Variants in ZMIZ1 observed in about 807,000 individuals in gnomAD.
ZMIZ1 encodes zinc finger MIZ domain-containing protein 1.
A neutral mutation model predicts 113.9 loss-of-function variants in ZMIZ1; 17 were observed. The ratio of observed to expected loss-of-function variants is 0.15; its 90% CI spans 0.10 to 0.22. ZMIZ1 has a LOEUF of 0.22. ZMIZ1 is among the 10% of genes least tolerant of loss of function. The probability of loss-of-function intolerance (pLI) is 1.00; values close to 1 mark genes in which losing one functional copy is unlikely to be tolerated. For missense variants in ZMIZ1, 1,059 were observed against 1,477.8 expected (o/e 0.72, Z 4.65); for synonymous variants, 607 against 603.1 (o/e 1.01, Z -0.09).
chr10:79,168,822 C>T (rs1368829150), intron 4 of ZMIZ1, among the ~76,000 whole-genome samples: 1 of 152,166 alleles, frequency 6.6e-6, no homozygotes, highest in East Asian at 1.9e-4. Context: ...CACAGGTGTC[C>T]GTCCACCCTG....
chr10:79,259,083 T>A (rs1017871770), intron 7 of ZMIZ1, among the ~76,000 whole-genome samples: 4 of 152,234 alleles, frequency 2.6e-5, no homozygotes, highest in Non-Finnish European at 2.9e-5. Flanking sequence ...TTTAATCAAA[T>A]GCCCAGTATC....
rs1042689128 is a variant in ZMIZ1 at position 79,139,410 on chromosome 10, G to A, written c.-226-272G>A. On this transcript the variant is annotated intron_variant, in intron 2 of 24. Transcript: ENST00000334512. ...TGTTCTGCTTTTCCTACTAAGAAGA[G>A]AAAGACAACACAAAGTCCCCAGTCC... Among the ~76,000 whole-genome samples the A allele has an allele frequency of 4.6e-5, 7 of 152,308 alleles. No individual in the cohort carries two copies. In the East Asian group the frequency reaches 1.3e-3, roughly 29 times the overall value.
chr10:79,083,332 C>T (rs952227380), intron 1 of ZMIZ1, among the ~76,000 whole-genome samples: 6 of 152,128 alleles, frequency 3.9e-5, no homozygotes, highest in Non-Finnish European at 7.3e-5. Flanking sequence ...GCAGTGGGAA[C>T]AGCATGTGCA....
At position 79,187,309 on chromosome 10, in the gene ZMIZ1, G is replaced by A. The variant is rs531527580; in HGVS notation, c.-49-14275G>A. ...CTCCCATGCCTGGCTCTAGCCCGGC[G>A]GACACTGCCAGTATAGCTGCGTGAT... On this transcript the variant is annotated intron_variant, in intron 4 of 24. Coordinates refer to ENST00000334512, the MANE Select transcript of ZMIZ1 (RefSeq NM_020338.4). Among the ~76,000 whole-genome samples, 16 of 152,292 alleles carry A rather than the reference G, an allele frequency of 1.1e-4. No individual in the cohort carries two copies. The East Asian group carries it at 2.5e-3, about 24-fold the overall frequency.
At chr10:79,165,811 A>G (rs901705570) in intron 4 of ZMIZ1, among the ~76,000 whole-genome samples, 1 of 152,120 alleles carries the variant, frequency 6.6e-6, no homozygotes, top group Admixed American at 6.5e-5. Flanking sequence ...TCTGGCCTGA[A>G]GTCTCTGGGT....
intron 4 of ZMIZ1, among the ~76,000 whole-genome samples, chr10:79,182,570 A>G (rs1049043723): frequency 1.3e-5 from 2 of 152,238 alleles, no homozygotes; most frequent in Non-Finnish European, 2.9e-5. Flanking sequence ...ATTAAATACC[A>G]GCAAGGTGAC....
At chr10:79,298,266 G>A in intron 14 of ZMIZ1, 140 bp from the exon 15 acceptor site, 3 of 966,482 alleles carry the variant, frequency 3.1e-6, no homozygotes, top group African/African-American at 1.7e-5. Flanking sequence ...CTGCGAGAGA[G>A]AAGAGTTTCC....
chr10:79,123,177 A>G (rs1008677531), intron 2 of ZMIZ1, among the ~76,000 whole-genome samples: 2 of 152,162 alleles, frequency 1.3e-5, no homozygotes, highest in Non-Finnish European at 2.9e-5. Context: ...GGGCATGACA[A>G]ACTGTTCCAT....
At chr10:79,257,159 C>T (rs754011160) in intron 7 of ZMIZ1, among the ~76,000 whole-genome samples, 2 of 152,256 alleles carry the variant, frequency 1.3e-5, no homozygotes, top group African/African-American at 2.4e-5. Context: ...CAACTCCGCT[C>T]ATCCCATTGC....
At chr10:79,109,370 C>T (rs1045755426) in intron 1 of ZMIZ1, among the ~76,000 whole-genome samples, 1 of 152,160 alleles carries the variant, frequency 6.6e-6, no homozygotes, top group Non-Finnish European at 1.5e-5. Context: ...AACACACACC[C>T]GGTGCCCAGC....
At chr10:79,160,955 C>A (rs1367108120) in intron 3 of ZMIZ1, among the ~76,000 whole-genome samples, 2 of 152,226 alleles carry the variant, frequency 1.3e-5, no homozygotes, top group African/African-American at 4.8e-5. Context: ...AGCTTGAATT[C>A]AGGGTTCTGC....
intron 10 of ZMIZ1, among the ~76,000 whole-genome samples, chr10:79,291,937 C>T (rs1246411955): frequency 6.6e-6 from 1 of 152,198 alleles, no homozygotes; most frequent in Non-Finnish European, 1.5e-5. Flanking sequence ...ACCAGGGCCC[C>T]GACAGCATGC....
rs763551908 is a variant in ZMIZ1 at position 79,277,209 on chromosome 10, C to T, written c.309C>T (p.Leu103=). ...AALLSSWCEE[L]GRLLLLRHQK... Reference sequence around the variant, plus strand: ...TGTTGTCCTCCTGGTGCGAAGAGCTCGGCCGCCTGCTGCTGCTCCGACATC... The same window carrying T: ...TGTTGTCCTCCTGGTGCGAAGAGCTTGGCCGCCTGCTGCTGCTCCGACATC... Residue 103 remains leucine, a synonymous_variant, in exon 8 of 25, where the codon CTC becomes CTT. Coordinates refer to ENST00000334512, the MANE Select transcript of ZMIZ1 (RefSeq NM_020338.4). The T allele has an allele frequency of 1.8e-5, 28 of 1,575,766 alleles. No individual in the cohort carries two copies. Among genetic ancestry groups the T allele is most frequent in the Admixed American group, 1.7e-4 (9 of 54,244 alleles).
chr10:79,274,364 A>G (rs1201108842), intron 7 of ZMIZ1, among the ~76,000 whole-genome samples: 2 of 152,166 alleles, frequency 1.3e-5, no homozygotes, highest in Non-Finnish European at 2.9e-5. Context: ...CAGACTTCCC[A>G]GTCCAGATGT....
chr10:79,109,974 A>G (rs181138967), intron 1 of ZMIZ1, among the ~76,000 whole-genome samples: 1 of 152,340 alleles, frequency 6.6e-6, no homozygotes, highest in East Asian at 1.9e-4. Flanking sequence ...CAGATGAGAA[A>G]AAGGTTCAGT....
At chr10:79,157,620 C>G (rs1845951656) in intron 3 of ZMIZ1, among the ~76,000 whole-genome samples, 1 of 152,180 alleles carries the variant, frequency 6.6e-6, no homozygotes, top group Non-Finnish European at 1.5e-5. Context: ...CTTCATCCTT[C>G]TGGCCCGTGG....
intron 8 of ZMIZ1, chr10:79,285,562 T>A (rs567434285): frequency 2.2e-5 from 10 of 456,022 alleles, no homozygotes; most frequent in Admixed American, 4.7e-5. Context: ...ACACACTGTG[T>A]AGGTGGTCGG....
chr10:79,127,300 C>G (rs560715990), intron 2 of ZMIZ1, among the ~76,000 whole-genome samples: 2 of 152,300 alleles, frequency 1.3e-5, no homozygotes, highest in African/African-American at 4.8e-5. Flanking sequence ...CTCCACTGAC[C>G]TGCAGCGGCC....
chr10:79,233,302 A>G (rs1266099657), intron 7 of ZMIZ1, among the ~76,000 whole-genome samples: 3 of 152,250 alleles, frequency 2.0e-5, no homozygotes, highest in African/African-American at 7.2e-5. Context: ...AGGCTGTTAT[A>G]GCAAAATACC....
Sources: gnomAD v4.1 joint callset for allele counts (sites outside exome capture counted in the v4.1 genomes callset) on GRCh38, gnomAD v4.1.1 for gene constraint, MANE v1.5 for transcripts, NCBI Gene and HGNC (gene_info 2026-07-23, HGNC 2026-07-21) for gene names.